ITGB1: variants seen among roughly 807,000 people sequenced by gnomAD.
ITGB1 encodes integrin subunit beta 1, also known as integrin beta-1.
ITGB1 carries 24 observed loss-of-function variants against 86.5 expected under a neutral mutation model. The ratio of observed to expected loss-of-function variants is 0.28; its 90% confidence interval spans 0.20 to 0.39. The LOEUF (loss-of-function observed/expected upper bound fraction) is 0.39. ITGB1 is among the 10% of genes least tolerant of loss of function. The pLI, the probability that ITGB1 is intolerant of heterozygous loss-of-function variation, is 1.00. For synonymous variants in ITGB1, 323 were observed against 316.8 expected, an observed-to-expected ratio of 1.02 and a Z score of -0.21; for missense variants, 556 against 946.9, an observed-to-expected ratio of 0.59 and a Z score of 5.42.
chr10:32,949,471 T>C (rs1423847856), intron 1 of ITGB1, among the ~76,000 whole-genome samples: 1 of 152,240 alleles, frequency 6.6e-6, no homozygotes, highest in Non-Finnish European at 1.5e-5. Flanking sequence ...CTTGGGCATT[T>C]GAACTTAATA....
intron 11 of ITGB1, among the ~76,000 whole-genome samples, chr10:32,915,171 T>C (rs2094927637): frequency 6.6e-6 from 1 of 152,170 alleles, no homozygotes; most frequent in African/African-American, 2.4e-5. Flanking sequence ...AAGCAGTGTG[T>C]AGAGGGAAAT....
intron 11 of ITGB1, among the ~76,000 whole-genome samples, chr10:32,916,214 G>A (rs1177328325): frequency 6.6e-6 from 1 of 152,108 alleles, no homozygotes; most frequent in Non-Finnish European, 1.5e-5. Context: ...ATACTGAATG[G>A]GCAAAAACTG....
chr10:32,937,384 C>T (rs1356493108), intron 1 of ITGB1, among the ~76,000 whole-genome samples: 3 of 151,844 alleles, frequency 2.0e-5, no homozygotes, highest in Non-Finnish European at 4.4e-5. Flanking sequence ...AGTGAAACCC[C>T]GTCTCTACTA....
At chr10:32,918,903 G>A (rs911564350) in intron 11 of ITGB1, among the ~76,000 whole-genome samples, 1 of 152,076 alleles carries the variant, frequency 6.6e-6, no homozygotes, top group East Asian at 1.9e-4. Flanking sequence ...TATCCTACAT[G>A]TGCAGACTTT....
chr10:32,955,532 G>A (rs1159759882), intron 1 of ITGB1: 1 of 152,186 alleles, frequency 6.6e-6, no homozygotes, highest in Non-Finnish European at 1.5e-5. Context: ...TTTTCAGACA[G>A]AACACTATAC....
chr10:32,935,437 G>A, intron 2 of ITGB1, 55 bp downstream of exon 2: 3 of 1,091,732 alleles, frequency 2.7e-6, no homozygotes, highest in Middle Eastern at 4.0e-4. Context: ...ACTGGTCAAA[G>A]CGCAATACAA....
Position 32,904,090 on chromosome 10 carries a change from T to G in ITGB1, c.2332-2455A>C, listed in dbSNP as rs147055251. Among the ~76,000 whole-genome samples, 178 of 152,098 alleles carry G rather than the reference T, an allele frequency of 1.2e-3. 1 individual carries two copies. Among genetic ancestry groups the G allele is most frequent in the African/African-American group, 4.1e-3 (171 of 41,524 alleles). ...TAATTTATATGGAAGAACTTACCTT[T>G]GGAGAAAAATCTGTCTTGTCGTATA... On this transcript the variant is annotated intron_variant, in intron 15 of 15. Transcript: ENST00000302278.
chr10:32,944,954 C>A, intron 1 of ITGB1: 1 of 1,169,132 alleles, frequency 8.6e-7, no homozygotes, highest in South Asian at 1.2e-5. Context: ...CCAAGCTTTT[C>A]TACAAACTAA....
At chr10:32,937,663 T>C (rs1294160538) in intron 1 of ITGB1, among the ~76,000 whole-genome samples, 2 of 149,530 alleles carry the variant, frequency 1.3e-5, no homozygotes, top group African/African-American at 5.0e-5. Context: ...ATGAGAAGAA[T>C]ATAAAAATAA....
At chr10:32,945,374 G>A (rs778203131) in intron 1 of ITGB1, among the ~76,000 whole-genome samples, 10 of 152,118 alleles carry the variant, frequency 6.6e-5, no homozygotes, top group African/African-American at 1.4e-4. Flanking sequence ...CCGAGATGGT[G>A]CATCACGAGG....
chr10:32,934,603 T>G (rs796077895), intron 2 of ITGB1, among the ~76,000 whole-genome samples: 14 of 152,368 alleles, frequency 9.2e-5, no homozygotes, highest in African/African-American at 3.4e-4. Flanking sequence ...GTTGCTCATT[T>G]CATAAGTGTA....
At chr10:32,944,903 A>T in intron 1 of ITGB1, 1 of 1,334,116 alleles carries the variant, frequency 7.5e-7, no homozygotes, top group East Asian at 2.4e-5. Context: ...CAAAAGACTA[A>T]AGGCTTATGA....
Position 32,935,477 on chromosome 10 carries a change from AT to A in ITGB1, c.67+14del, listed in dbSNP as rs781698881. 1.9e-6 allele frequency: 3 copies of A among 1,587,312 alleles called. No individual in the cohort carries two copies. Among genetic ancestry groups the A allele is most frequent in the South Asian group, 1.1e-5 (1 of 90,458 alleles). ...CGGAAATGAAAAGACAACTAAGAAA[AT>A]TTTTTGTTTTTACCTGTTTGAGCAA... is the stretch of plus-strand genomic sequence containing the variant. On this transcript the variant is annotated intron_variant, in intron 2 of 15. Coordinates refer to ENST00000302278, the MANE Select transcript of ITGB1 (RefSeq NM_002211.4).
rs780637452 is a variant in ITGB1 at position 32,935,544 on chromosome 10, T to A, written c.15A>T (p.Pro5=). The A allele has an allele frequency of 6.2e-7, 1 of 1,612,728 alleles. No individual in the cohort carries two copies. The highest frequency in any genetic ancestry group is 8.5e-7 in the Non-Finnish European group (1 of 1,178,880). Residue 5 remains proline (P), a synonymous_variant, in exon 2 of 16, where the codon CCA becomes CCT. Coordinates refer to ENST00000302278, the MANE Select transcript of ITGB1 (RefSeq NM_002211.4). Reference sequence around the variant, plus strand: ...AACTGATCAGTCCAATCCAGAAAATTGGTTGTAAATTCATCTGAAATGTAA... The same window carrying A: ...AACTGATCAGTCCAATCCAGAAAATAGGTTGTAAATTCATCTGAAATGTAA... MNLQ[P]IFWIGLISSV...
chr10:32,922,380 C>A, intron 8 of ITGB1, 34 bp from the exon 9 acceptor site: 1 of 1,396,244 alleles, frequency 7.2e-7, no homozygotes, highest in East Asian at 2.3e-5. Flanking sequence ...TAAAATACAA[C>A]TGCTATTCAT....
intron 6 of ITGB1, among the ~76,000 whole-genome samples, chr10:32,923,954 A>G (rs1270312527): frequency 7.9e-5 from 12 of 152,086 alleles, no homozygotes; most frequent in Non-Finnish European, 1.8e-4. Context: ...TTGCCTGACC[A>G]TCCGTATCTC....
intron 11 of ITGB1, among the ~76,000 whole-genome samples, chr10:32,913,650 G>C (rs1409343101): frequency 6.6e-6 from 1 of 152,236 alleles, no homozygotes; most frequent in Non-Finnish European, 1.5e-5. Context: ...AAGCCTCCAA[G>C]AAATATGGGA....
intron 15 of ITGB1, among the ~76,000 whole-genome samples, chr10:32,907,914 T>C (rs1369865093): frequency 6.6e-6 from 1 of 152,222 alleles, no homozygotes; most frequent in East Asian, 1.9e-4. Context: ...AAAGCTATTC[T>C]GGGCTGCATG....
chr10:32,949,213 C>G (rs1316911994), intron 1 of ITGB1, among the ~76,000 whole-genome samples: 1 of 152,070 alleles, frequency 6.6e-6, no homozygotes, highest in Non-Finnish European at 1.5e-5. Context: ...ATAATAGTGT[C>G]TTTGTTTTAC....
Sources: gnomAD v4.1 joint callset for allele counts (sites outside exome capture counted in the v4.1 genomes callset) on GRCh38, gnomAD v4.1.1 for gene constraint, MANE v1.5 for transcripts, NCBI Gene and HGNC (gene_info 2026-07-23, HGNC 2026-07-21) for gene names.